The following NEDD4L variants were observed in gnomAD, a reference collection of about 807,000 sequenced individuals.
The protein encoded by NEDD4L is E3 ubiquitin-protein ligase NEDD4-like.
Under a neutral mutation model 148.9 loss-of-function variants are expected in NEDD4L, and 54 were observed. That is an observed-to-expected ratio of 0.36 (90% CI 0.29 to 0.45). The LOEUF (loss-of-function observed/expected upper bound fraction) is 0.45, where lower values mean the gene tolerates loss of function less well. Among genes scored for constraint, NEDD4L ranks in the 20% least tolerant of loss-of-function variants. NEDD4L has a pLI of 1.00. For missense variants in NEDD4L, 856 were observed against 1,233.8 expected, an observed-to-expected ratio of 0.69 and a Z score of 4.59; for synonymous variants, 433 against 440.7, an observed-to-expected ratio of 0.98 and a Z score of 0.22.
chr18:58,101,328 G>A (rs1176033606), intron 1 of NEDD4L, among the ~76,000 whole-genome samples: 1 of 152,178 alleles, frequency 6.6e-6, no homozygotes, highest in African/African-American at 2.4e-5. Flanking sequence ...GCGTGGCCCA[G>A]CTGTGTTTCT....
chr18:58,204,321 CCTT>C (rs1419958701), intron 2 of NEDD4L, among the ~76,000 whole-genome samples: 3 of 151,266 alleles, frequency 2.0e-5, no homozygotes, highest in Non-Finnish European at 4.4e-5. Context: ...GAGTGAGACT[CCTT>C]CTCAAAAAAA....
intron 1 of NEDD4L, among the ~76,000 whole-genome samples, chr18:58,141,483 G>GT (rs908057124): frequency 9.9e-5 from 15 of 151,728 alleles, no homozygotes; most frequent in African/African-American, 1.7e-4. Context: ...CAATTTTTGG[G>GT]TTTTTTTTGT....
At position 58,388,987 on chromosome 18, in the gene NEDD4L, A is replaced by G. The variant is rs150922291; in HGVS notation, c.2548-98A>G. ...TGATTTGCTAGCTTACCTTCGCGGC[A>G]CAGTGACCACATGCTGGCACTGAGG... is the stretch of plus-strand genomic sequence containing the variant. On this transcript the variant is annotated intron_variant, in intron 27 of 30. Transcript: ENST00000400345. The G allele has an allele frequency of 1.0e-4, 94 of 928,556 alleles. No homozygotes were observed. The African/African-American group carries it at 1.4e-3, about 13-fold the overall frequency. 57.5% of individuals were successfully genotyped at this position (928,556 alleles called of 1,614,324 possible).
intron 1 of NEDD4L, among the ~76,000 whole-genome samples, chr18:58,130,802 G>T (rs927018438): frequency 2.0e-5 from 3 of 148,006 alleles, no homozygotes; most frequent in African/African-American, 7.5e-5. Flanking sequence ...TTGGTTGGTT[G>T]TGATCTAGCA....
At chr18:58,264,318 T>C (rs1248310612) in intron 5 of NEDD4L, among the ~76,000 whole-genome samples, 1 of 152,052 alleles carries the variant, frequency 6.6e-6, no homozygotes, top group Non-Finnish European at 1.5e-5. Context: ...GAAATTATAT[T>C]AGCAAGAGAA....
intron 1 of NEDD4L, among the ~76,000 whole-genome samples, chr18:58,136,689 A>G (rs1471802632): frequency 6.6e-6 from 1 of 152,210 alleles, no homozygotes; most frequent in Non-Finnish European, 1.5e-5. Context: ...AGGACCCAGA[A>G]AAGCCGAGCA....
chr18:58,230,951 A>G (rs2045102454), intron 2 of NEDD4L, among the ~76,000 whole-genome samples: 1 of 152,126 alleles, frequency 6.6e-6, no homozygotes, highest in Non-Finnish European at 1.5e-5. Flanking sequence ...TACATACTTG[A>G]AAAGGGACAA....
At chr18:58,270,694 A>G (rs952307276) in intron 5 of NEDD4L, among the ~76,000 whole-genome samples, 1 of 152,008 alleles carries the variant, frequency 6.6e-6, no homozygotes, top group African/African-American at 2.4e-5. Flanking sequence ...TGATCTTGAG[A>G]TGTTTGCTGC....
intron 18 of NEDD4L, among the ~76,000 whole-genome samples, chr18:58,353,024 C>G (rs1172948754): frequency 6.6e-6 from 1 of 152,196 alleles, no homozygotes; most frequent in African/African-American, 2.4e-5. Context: ...TACTTGGTGA[C>G]TTGAAATCAG....
At chr18:58,315,937 C>T (rs1830976409) in intron 5 of NEDD4L, 45 bp from the exon 6 acceptor site, 1 of 1,484,620 alleles carries the variant, frequency 6.7e-7, no homozygotes, top group African/African-American at 1.4e-5. Context: ...TGCTGACGCT[C>T]AGTGAAGAAA....
intron 18 of NEDD4L, among the ~76,000 whole-genome samples, chr18:58,353,233 G>A (rs921632244): frequency 2.6e-5 from 4 of 152,192 alleles, no homozygotes; most frequent in African/African-American, 9.6e-5. Context: ...CCTTACTCCT[G>A]ATCAGTTCTG....
At chr18:58,142,963 C>T (rs1210802344) in intron 1 of NEDD4L, among the ~76,000 whole-genome samples, 1 of 152,098 alleles carries the variant, frequency 6.6e-6, no homozygotes, top group Non-Finnish European at 1.5e-5. Context: ...GGGGGTCCAG[C>T]CTGCATGATT....
intron 5 of NEDD4L, among the ~76,000 whole-genome samples, chr18:58,292,327 G>A (rs769249318): frequency 2.6e-5 from 4 of 152,020 alleles, no homozygotes; most frequent in African/African-American, 4.8e-5. Flanking sequence ...TAGATGTCTC[G>A]AGGTGCTCCC....
chr18:58,354,188 T>A (rs1459508659), intron 18 of NEDD4L, among the ~76,000 whole-genome samples: 2 of 152,210 alleles, frequency 1.3e-5, no homozygotes, highest in Non-Finnish European at 2.9e-5. Flanking sequence ...CTTGTAGGAA[T>A]GATGTCATTC....
chr18:58,337,720 G>A (rs1335947293), intron 13 of NEDD4L, among the ~76,000 whole-genome samples: 1 of 152,008 alleles, frequency 6.6e-6, no homozygotes, highest in Non-Finnish European at 1.5e-5. Context: ...GACATTCAAG[G>A]ACTTTCTGCT....
Position 58,084,091 on chromosome 18 carries a change from A to G in NEDD4L, c.48+39383A>G, listed in dbSNP as rs368456348. 5.9e-5 allele frequency among the ~76,000 whole-genome samples: 9 copies of G among 152,384 alleles called. No homozygotes were observed. In the East Asian group the frequency reaches 1.2e-3, roughly 20 times the overall value. On this transcript the variant is annotated intron_variant, in intron 1 of 30. Coordinates refer to ENST00000400345, the MANE Select transcript of NEDD4L (RefSeq NM_001144967.3). ...ATTTAAGAGGCAGCATACAAAATGC[A>G]TAAACCTGGAAAACATTATGGGAAC...
At chr18:58,223,155 A>T (rs1198617730) in intron 2 of NEDD4L, among the ~76,000 whole-genome samples, 1 of 151,972 alleles carries the variant, frequency 6.6e-6, no homozygotes, top group East Asian at 1.9e-4. Flanking sequence ...CTTTTTATTT[A>T]GTTAAGAGGA....
At chr18:58,314,083 T>TA (rs917538775) in intron 5 of NEDD4L, among the ~76,000 whole-genome samples, 3 of 152,304 alleles carry the variant, frequency 2.0e-5, no homozygotes, top group Admixed American at 2.0e-4. Context: ...TTCTTTTTTT[T>TA]ATAGTACAGT....
chr18:58,106,471 G>T (rs1376168564), intron 1 of NEDD4L, among the ~76,000 whole-genome samples: 2 of 152,162 alleles, frequency 1.3e-5, no homozygotes, highest in African/African-American at 4.8e-5. Flanking sequence ...GGTACTGTGG[G>T]TTTAAGGGAG....
Sources: gnomAD v4.1 joint callset for allele counts (sites outside exome capture counted in the v4.1 genomes callset) on GRCh38, gnomAD v4.1.1 for gene constraint, MANE v1.5 for transcripts, NCBI Gene and HGNC (gene_info 2026-07-23, HGNC 2026-07-21) for gene names.